The following ACSS3 variants were observed in gnomAD, a reference collection of about 807,000 sequenced individuals.
ACSS3 encodes acyl-CoA synthetase short-chain family member 3, mitochondrial.
In ACSS3, 64 loss-of-function variants were observed where a neutral mutation model predicts 84.2. That is an observed-to-expected ratio of 0.76 (90% CI 0.62 to 0.94). The LOEUF (loss-of-function observed/expected upper bound fraction) is 0.94, where lower values mean the gene tolerates loss of function less well. Ranked by LOEUF, ACSS3 falls within the 40% of genes least tolerant of loss-of-function variation. The pLI is 0.00. For synonymous variants in ACSS3, 317 were observed against 310.1 expected (o/e 1.02, Z -0.23); for missense variants, 815 against 867.6 (o/e 0.94, Z 0.76).
At chr12:81,248,280 G>A (rs1248077064) in intron 13 of ACSS3, among the ~76,000 whole-genome samples, 1 of 152,060 alleles carries the variant, frequency 6.6e-6, no homozygotes, top group East Asian at 1.9e-4. Context: ...CAGTGCTCAA[G>A]TAGCAAAGAT....
intron 3 of ACSS3, among the ~76,000 whole-genome samples, chr12:81,136,434 C>T (rs1239103680): frequency 1.3e-5 from 2 of 151,938 alleles, no homozygotes; most frequent in African/African-American, 4.8e-5. Context: ...GGCTGTGTGC[C>T]GGGTTTGGCT....
At position 81,173,937 on chromosome 12, in the gene ACSS3, T is replaced by C. The variant is rs568505606; in HGVS notation, c.1099-851T>C. ...TTTGCCTCCAACTTCCACAAACGGA[T>C]TTTGGATATATATATATATATCCAA... is the stretch of plus-strand genomic sequence containing the variant. On this transcript the variant is annotated intron_variant, in intron 7 of 15. Coordinates refer to ENST00000548058, the MANE Select transcript of ACSS3 (RefSeq NM_024560.4). Among the ~76,000 whole-genome samples the C allele has an allele frequency of 9.0e-3, 774 of 85,664 alleles. 10 individuals are homozygous for C. The highest frequency in any genetic ancestry group is 0.022 in the African/African-American group (607 of 27,866). The allele number at this position is 85,664 out of a possible 152,430, so 56.2% of individuals were successfully genotyped here. A position where few individuals can be genotyped will look rare whatever the true frequency, so the allele number is the denominator to read the frequency against.
chr12:81,215,584 T>C (rs2032882134), intron 9 of ACSS3, among the ~76,000 whole-genome samples: 1 of 152,254 alleles, frequency 6.6e-6, no homozygotes, highest in South Asian at 2.1e-4. Flanking sequence ...CTTTAGAAGA[T>C]GGATGCCTTT....
chr12:81,133,545 A>G (rs147314225), intron 2 of ACSS3, among the ~76,000 whole-genome samples: 6 of 152,236 alleles, frequency 3.9e-5, no homozygotes, highest in African/African-American at 1.4e-4. Context: ...TGCCTGAAAT[A>G]GTACATTCAT....
At chr12:81,216,753 T>A (rs2032931041) in intron 9 of ACSS3, 148 bp from the exon 10 acceptor site, 2 of 448,528 alleles carry the variant, frequency 4.5e-6, no homozygotes, top group Non-Finnish European at 8.0e-6. Context: ...AGCTTTAAAT[T>A]TTTAAATAAT....
intron 5 of ACSS3, 105 bp downstream of exon 5, chr12:81,143,352 A>G: frequency 2.4e-6 from 3 of 1,230,528 alleles, no homozygotes; most frequent in Admixed American, 2.5e-5. Context: ...TTTGAAGTTT[A>G]GAGAGTTACT....
intron 8 of ACSS3, among the ~76,000 whole-genome samples, chr12:81,178,028 A>G (rs1004031506): frequency 6.6e-6 from 1 of 152,214 alleles, no homozygotes; most frequent in Non-Finnish European, 1.5e-5. Flanking sequence ...TGTTTACTGC[A>G]GCACTATTCA....
At chr12:81,180,125 A>G (rs1338953074) in intron 8 of ACSS3, among the ~76,000 whole-genome samples, 1 of 152,258 alleles carries the variant, frequency 6.6e-6, no homozygotes, top group Non-Finnish European at 1.5e-5. Flanking sequence ...AAATTAATGC[A>G]GGAACAGAAA....
intron 13 of ACSS3, among the ~76,000 whole-genome samples, chr12:81,251,571 C>A (rs1233827487): frequency 3.3e-5 from 5 of 150,960 alleles, no homozygotes; most frequent in Non-Finnish European, 5.9e-5. Flanking sequence ...GTAGCTTATG[C>A]CTGTAATCCC....
chr12:81,181,361 G>A (rs550673659), intron 8 of ACSS3, among the ~76,000 whole-genome samples: 2 of 152,200 alleles, frequency 1.3e-5, no homozygotes, highest in South Asian at 4.2e-4. Flanking sequence ...CTGCCCAACC[G>A]ATGCCCTCCA....
At chr12:81,110,028 A>G (rs1883444484) in intron 2 of ACSS3, among the ~76,000 whole-genome samples, 4 of 152,192 alleles carry the variant, frequency 2.6e-5, no homozygotes. Context: ...CAGATCTTGT[A>G]CTATTGAAAC....
intron 13 of ACSS3, among the ~76,000 whole-genome samples, chr12:81,245,782 T>C (rs1376033286): frequency 6.6e-6 from 1 of 152,210 alleles, no homozygotes; most frequent in African/African-American, 2.4e-5. Flanking sequence ...AAGAATTGTT[T>C]CTGTTATTGT....
chr12:81,148,175 T>C (rs975244151), intron 5 of ACSS3, among the ~76,000 whole-genome samples: 2 of 152,044 alleles, frequency 1.3e-5, no homozygotes, highest in African/African-American at 2.4e-5. Context: ...AAAAAACTTA[T>C]ATTTTTACAA....
intron 8 of ACSS3, among the ~76,000 whole-genome samples, chr12:81,182,538 T>A (rs888522088): frequency 7.9e-5 from 12 of 152,130 alleles, no homozygotes; most frequent in Admixed American, 2.0e-4. Flanking sequence ...TCATTAATAA[T>A]AGCCAATACA....
chr12:81,225,893 CT>C (rs779108501), intron 11 of ACSS3, among the ~76,000 whole-genome samples: 14 of 151,994 alleles, frequency 9.2e-5, no homozygotes, highest in Non-Finnish European at 1.8e-4. Flanking sequence ...AATAATTCCT[CT>C]GGTGTTTTCT....
intron 8 of ACSS3, among the ~76,000 whole-genome samples, chr12:81,185,940 C>T (rs1338223026): frequency 6.6e-6 from 1 of 151,782 alleles, no homozygotes. Context: ...AGGCATCACA[C>T]TTCCTGATTT....
At chr12:81,172,333 C>T (rs988308155) in intron 7 of ACSS3, among the ~76,000 whole-genome samples, 5 of 149,878 alleles carry the variant, frequency 3.3e-5, no homozygotes, top group Non-Finnish European at 7.4e-5. Flanking sequence ...CTAAGACACT[C>T]GCTCTTTTAA....
In ACSS3 at chr12:81,134,863, T is replaced by C; in HGVS notation, c.504T>C (p.Gly168=). The change falls in exon 3 of 16, where the codon GGT becomes GGC. Residue 168 remains glycine, a synonymous_variant. Transcript: ENST00000548058. The part of the protein sequence containing the change: ...GVLVKHGIKK[G]DTVVIYMPMI... ...TGGTCAAGCATGGCATCAAGAAAGG[T>C]GACACTGTGGTTATCTACATGCCTA... 1.3e-6 allele frequency: 2 copies of C among 1,595,220 alleles called. No individual in the cohort carries two copies. Among genetic ancestry groups the C allele is most frequent in the Non-Finnish European group, 1.7e-6 (2 of 1,169,236 alleles).
intron 9 of ACSS3, among the ~76,000 whole-genome samples, chr12:81,204,185 G>A (rs1488492661): frequency 1.3e-5 from 2 of 151,760 alleles, no homozygotes; most frequent in Non-Finnish European, 2.9e-5. Context: ...GTTTTTATGA[G>A]TAAATGAGCT....
Sources: allele counts gnomAD v4.1 joint callset (sites outside exome capture counted in the v4.1 genomes callset), GRCh38; gene constraint gnomAD v4.1.1; transcripts MANE v1.5; gene names NCBI Gene and HGNC (gene_info 2026-07-23, HGNC 2026-07-21).